The following STXBP5L variants were observed in gnomAD, a reference collection of about 807,000 sequenced individuals.
STXBP5L encodes the protein syntaxin binding protein 5L, also known as syntaxin-binding protein 5-like.
In STXBP5L, 65 loss-of-function variants were observed where a neutral mutation model predicts 144.5. The ratio of observed to expected loss-of-function variants is 0.45; its 90% CI spans 0.37 to 0.55. STXBP5L has a LOEUF of 0.55. STXBP5L is among the 20% of genes least tolerant of loss of function. STXBP5L has a pLI of 0.00. For missense variants in STXBP5L, 1,298 were observed against 1,405.5 expected, an observed-to-expected ratio of 0.92 and a Z score of 1.22; for synonymous variants, 505 against 469.6, an observed-to-expected ratio of 1.08 and a Z score of -0.97.
At chr3:121,036,344 G>T (rs900756298) in intron 3 of STXBP5L, among the ~76,000 whole-genome samples, 2 of 151,962 alleles carry the variant, frequency 1.3e-5, no homozygotes, top group African/African-American at 4.8e-5. Flanking sequence ...AAAAAAAATT[G>T]ATTTTGCATT....
intron 3 of STXBP5L, among the ~76,000 whole-genome samples, chr3:120,955,409 A>C (rs889424703): frequency 6.6e-6 from 1 of 151,790 alleles, no homozygotes; most frequent in Admixed American, 6.6e-5. Context: ...TGATCACTTA[A>C]ATTTCTTTGC....
At chr3:121,253,601 G>C (rs972557995) in intron 15 of STXBP5L, among the ~76,000 whole-genome samples, 2 of 147,132 alleles carry the variant, frequency 1.4e-5, no homozygotes, top group African/African-American at 5.1e-5. Flanking sequence ...ATATATATGT[G>C]TATATATATG....
At chr3:121,116,915 G>A (rs1227228546) in intron 6 of STXBP5L, among the ~76,000 whole-genome samples, 1 of 151,932 alleles carries the variant, frequency 6.6e-6, no homozygotes, top group Non-Finnish European at 1.5e-5. Context: ...TTCAATATTA[G>A]TGAAAATATA....
chr3:120,937,876 C>A (rs777012015), intron 2 of STXBP5L, among the ~76,000 whole-genome samples: 4 of 152,040 alleles, frequency 2.6e-5, no homozygotes, highest in Non-Finnish European at 5.9e-5. Flanking sequence ...AGACTCAAAT[C>A]TGATTTTGAT....
chr3:120,949,366 G>T (rs777346361), intron 2 of STXBP5L, among the ~76,000 whole-genome samples: 7 of 152,086 alleles, frequency 4.6e-5, no homozygotes, highest in Non-Finnish European at 1.0e-4. Context: ...TCTGTGGGTT[G>T]TCTGTTTACT....
chr3:121,409,276 G>T (rs1339493972), intron 23 of STXBP5L, among the ~76,000 whole-genome samples: 3 of 151,838 alleles, frequency 2.0e-5, no homozygotes, highest in Non-Finnish European at 4.4e-5. Context: ...AGATTGAGAA[G>T]TTATTAGAAA....
In STXBP5L at chr3:120,985,301, G is replaced by A. The variant is rs1191282344; in HGVS notation, c.287+30264G>A. Among the ~76,000 whole-genome samples the A allele has an allele frequency of 2.6e-5, 4 of 151,938 alleles. No individual in the cohort carries two copies. The South Asian group carries it at 6.2e-4, about 24-fold the overall frequency. ...AAGCCATGGGGGCTTTTCTTTGTCA[G>A]GAGATGTCTTTTGTATATAGTTATG... On this transcript the variant is annotated intron_variant, in intron 3 of 26. Transcript: ENST00000471454.
chr3:121,114,256 G>A (rs1576994272), intron 5 of STXBP5L, among the ~76,000 whole-genome samples: 1 of 152,088 alleles, frequency 6.6e-6, no homozygotes, highest in South Asian at 2.1e-4. Flanking sequence ...TTGTGAAGAT[G>A]AAAACAGAAC....
At chr3:121,043,069 T>G (rs1412719683) in intron 4 of STXBP5L, among the ~76,000 whole-genome samples, 2 of 151,800 alleles carry the variant, frequency 1.3e-5, no homozygotes, top group Non-Finnish European at 2.9e-5. Flanking sequence ...GGTCCTAAGT[T>G]TGCCCCTGTG....
At chr3:121,374,233 G>A (rs764844447) in intron 20 of STXBP5L, among the ~76,000 whole-genome samples, 7 of 152,110 alleles carry the variant, frequency 4.6e-5, no homozygotes, top group Admixed American at 1.3e-4. Flanking sequence ...TGGAGACTAC[G>A]CTATGGTGCC....
intron 22 of STXBP5L, among the ~76,000 whole-genome samples, chr3:121,403,704 G>A (rs2046935742): frequency 6.6e-6 from 1 of 152,056 alleles, no homozygotes; most frequent in Non-Finnish European, 1.5e-5. Context: ...TAAGTACTAA[G>A]GAAAAAATTA....
At chr3:120,991,399 C>T (rs959331371) in intron 3 of STXBP5L, among the ~76,000 whole-genome samples, 9 of 151,764 alleles carry the variant, frequency 5.9e-5, no homozygotes, top group African/African-American at 1.9e-4. Context: ...TAAACTAGTT[C>T]AACCATTGTG....
chr3:121,329,939 A>T (rs1268566726), intron 20 of STXBP5L, among the ~76,000 whole-genome samples: 1 of 152,224 alleles, frequency 6.6e-6, no homozygotes, highest in East Asian at 1.9e-4. Context: ...AGATACACTT[A>T]TTTAATGTAA....
At chr3:121,302,837 G>T (rs960829365) in intron 19 of STXBP5L, among the ~76,000 whole-genome samples, 2 of 152,164 alleles carry the variant, frequency 1.3e-5, no homozygotes, top group Non-Finnish European at 2.9e-5. Flanking sequence ...TCTGTAGAAA[G>T]CTGAAACTGG....
intron 2 of STXBP5L, among the ~76,000 whole-genome samples, chr3:120,928,167 G>A (rs1313334828): frequency 6.6e-6 from 1 of 152,168 alleles, no homozygotes; most frequent in Non-Finnish European, 1.5e-5. Flanking sequence ...GTCAAAACAA[G>A]ATATAAAATA....
chr3:121,080,442 G>C (rs1391539105), intron 5 of STXBP5L, among the ~76,000 whole-genome samples: 2 of 151,810 alleles, frequency 1.3e-5, no homozygotes, highest in Admixed American at 6.6e-5. Context: ...TGCTTTAAGG[G>C]GTTTCTATTT....
At chr3:121,404,407 T>A (rs1271641890) in intron 22 of STXBP5L, among the ~76,000 whole-genome samples, 1 of 152,138 alleles carries the variant, frequency 6.6e-6, no homozygotes, top group Non-Finnish European at 1.5e-5. Flanking sequence ...TTCACTGCTC[T>A]CCCTGCTTCC....
At chr3:121,198,028 G>T (rs531229537) in intron 9 of STXBP5L, among the ~76,000 whole-genome samples, 3 of 152,146 alleles carry the variant, frequency 2.0e-5, no homozygotes, top group African/African-American at 7.2e-5. Context: ...GGATTGCTGG[G>T]TCAAATGGTG....
intron 9 of STXBP5L, among the ~76,000 whole-genome samples, chr3:121,168,034 C>A (rs1054302038): frequency 6.6e-6 from 1 of 152,174 alleles, no homozygotes; most frequent in Non-Finnish European, 1.5e-5. Context: ...GATACCCAGG[C>A]AAACAGGGTC....
Sources: allele counts gnomAD v4.1 joint callset (sites outside exome capture counted in the v4.1 genomes callset), GRCh38; gene constraint gnomAD v4.1.1; transcripts MANE v1.5; gene names NCBI Gene and HGNC (gene_info 2026-07-23, HGNC 2026-07-21).